Variants in DNAH9 observed in about 807,000 individuals in gnomAD.
DNAH9 encodes the protein DNAH9 variant protein.
A neutral mutation model predicts 471.6 loss-of-function variants in DNAH9; 345 were observed. The ratio of observed to expected loss-of-function variants is 0.73; its 90% confidence interval spans 0.67 to 0.80. The LOEUF (loss-of-function observed/expected upper bound fraction) is 0.80, where lower values mean the gene tolerates loss of function less well. DNAH9 is among the 30% of genes least tolerant of loss of function. The pLI is 0.00. For missense variants in DNAH9, 5,407 were observed against 5,609.2 expected, an observed-to-expected ratio of 0.96 and a Z score of 1.15; for synonymous variants, 2,093 against 2,123.6, an observed-to-expected ratio of 0.99 and a Z score of 0.40.
At position 11,784,548 on chromosome 17, in the gene DNAH9, A is replaced by G. The variant is rs769009057; in HGVS notation, c.8061+9A>G. 1 of 1,614,172 alleles carries G rather than the reference A, an allele frequency of 6.2e-7. No individual in the cohort carries two copies. The highest frequency in any genetic ancestry group is 8.5e-7 in the Non-Finnish European group (1 of 1,180,022). Reference sequence around the variant, plus strand: ...TTGCCAACATTTTCCAGGTGAGTTCATCGGCTCCGAGACACCCTAGGGGCT... The same window carrying G: ...TTGCCAACATTTTCCAGGTGAGTTCGTCGGCTCCGAGACACCCTAGGGGCT... On this transcript the variant is annotated intron_variant, in intron 41 of 68. Transcript: ENST00000262442.
chr17:11,883,732 T>C lies in DNAH9; in HGVS notation c.10953T>C (p.Ala3651=). ...VENLEITKQT[A]AEVEKKVQEA... is the part of the protein sequence containing the mutation. ...ACCTAGAGATCACCAAGCAGACTGC[T>C]GCCGAAGTTGAGAAAAAGGTAAAAC... Residue 3651 remains alanine, a synonymous_variant, in exon 56 of 69, where the codon GCT becomes GCC. Transcript: ENST00000262442. 8.1e-6 allele frequency: 13 copies of C among 1,613,908 alleles called. No homozygotes were observed. Among genetic ancestry groups the C allele is most frequent in the Non-Finnish European group, 1.1e-5 (13 of 1,179,950 alleles).
At chr17:11,912,363 G>T (rs1345265525) in intron 61 of DNAH9, among the ~76,000 whole-genome samples, 1 of 152,146 alleles carries the variant, frequency 6.6e-6, no homozygotes, top group Admixed American at 6.5e-5. Context: ...GAAATAGCAA[G>T]TTCAGACTTC....
chr17:11,843,038 C>T (rs1052906080), intron 49 of DNAH9, among the ~76,000 whole-genome samples: 37 of 152,254 alleles, frequency 2.4e-4, no homozygotes, highest in African/African-American at 7.9e-4. Flanking sequence ...TTGGCTATTT[C>T]GCTAGCAGAT....
rs116169156 is a variant in DNAH9, at chr17:11,766,183, G to T, written c.7171-2270G>T. ...CCAAAAATAGTGCTGTCAATAGGAA[G>T]GTAGGAGTTTGGTCAAAATATTCAC... On this transcript the variant is annotated intron_variant, in intron 36 of 68. Transcript: ENST00000262442. Among the ~76,000 whole-genome samples the T allele has an allele frequency of 3.4e-3, 511 of 152,136 alleles. 5 individuals are homozygous for T. Among genetic ancestry groups the T allele is most frequent in the African/African-American group, 0.012 (478 of 41,502 alleles).
intron 26 of DNAH9, among the ~76,000 whole-genome samples, chr17:11,708,714 AGT>A (rs1321311027): frequency 6.6e-6 from 1 of 152,192 alleles, no homozygotes; most frequent in Non-Finnish European, 1.5e-5. Flanking sequence ...TCCCTACTGC[AGT>A]GAGGTCTGCC....
At chr17:11,869,035 C>T (rs570742498) in intron 50 of DNAH9, 99 bp from the exon 51 acceptor site, 102 of 1,421,334 alleles carry the variant, frequency 7.2e-5, no homozygotes, top group Non-Finnish European at 9.4e-5. Flanking sequence ...CCGCAGAGTG[C>T]TTCCTTCAGA....
chr17:11,794,036 ATTTTTTTTTTTT>A (rs35741238), intron 42 of DNAH9, among the ~76,000 whole-genome samples: 1 of 80,900 alleles, frequency 1.2e-5, no homozygotes, highest in Non-Finnish European at 2.3e-5. Flanking sequence ...ATTTTGAGCA[ATTTTTTTTTTTT>A]TTTTTTTTTT....
intron 17 of DNAH9, 54 bp downstream of exon 17, chr17:11,669,848 T>A: frequency 2.1e-6 from 3 of 1,451,950 alleles, no homozygotes; most frequent in South Asian, 1.2e-5. Context: ...AGGAACACCA[T>A]GTTTTTAAAC....
At chr17:11,737,634 T>A (rs12952461) in intron 28 of DNAH9, among the ~76,000 whole-genome samples, 2 of 152,188 alleles carry the variant, frequency 1.3e-5, no homozygotes, top group African/African-American at 4.8e-5. Context: ...CAATAAATGG[T>A]TGAATTTCAC....
chr17:11,845,266 T>C (rs1334401664), intron 49 of DNAH9, among the ~76,000 whole-genome samples: 1 of 64,516 alleles, frequency 1.6e-5, no homozygotes, highest in African/African-American at 4.3e-5. Flanking sequence ...TTTGGTTTTT[T>C]GTTCTTGCGA....
intron 19 of DNAH9, among the ~76,000 whole-genome samples, chr17:11,687,512 C>T (rs1022365988): frequency 6.6e-6 from 1 of 152,112 alleles, no homozygotes; most frequent in African/African-American, 2.4e-5. Flanking sequence ...CTTTTTCACT[C>T]CTTTTGTATT....
chr17:11,724,426 G>T (rs2075117283), intron 27 of DNAH9, among the ~76,000 whole-genome samples: 1 of 152,136 alleles, frequency 6.6e-6, no homozygotes, highest in African/African-American at 2.4e-5. Context: ...GACAGCATGT[G>T]ATATTTGTCT....
At chr17:11,666,342 G>C (rs1450697437) in intron 15 of DNAH9, among the ~76,000 whole-genome samples, 2 of 152,134 alleles carry the variant, frequency 1.3e-5, no homozygotes, top group Non-Finnish European at 2.9e-5. Flanking sequence ...TTGACCAATG[G>C]CTCTCTGGTT....
intron 38 of DNAH9, among the ~76,000 whole-genome samples, chr17:11,770,167 A>G (rs1363855760): frequency 5.9e-5 from 9 of 152,212 alleles, no homozygotes; most frequent in African/African-American, 2.2e-4. Flanking sequence ...GCCATAGCTT[A>G]TAATGTGAAA....
intron 62 of DNAH9, among the ~76,000 whole-genome samples, chr17:11,924,673 G>A (rs1974258751): frequency 7.1e-6 from 1 of 139,874 alleles, no homozygotes; most frequent in African/African-American, 2.7e-5. Flanking sequence ...GCCTAGGCTG[G>A]AGTGCAATGG....
chr17:11,932,723 C>T lies in DNAH9; in HGVS notation c.12297+518C>T, dbSNP rs9889870. Reference sequence around the variant, plus strand: ...ACAACTGTGAGGTGAGAGCCATGGACGCTCAGGAAGTCTAACTAGAGACTC... The same window carrying T: ...ACAACTGTGAGGTGAGAGCCATGGATGCTCAGGAAGTCTAACTAGAGACTC... On this transcript the variant is annotated intron_variant, in intron 64 of 68. Coordinates refer to ENST00000262442, the MANE Select transcript of DNAH9 (RefSeq NM_001372.4). The surrounding 1 kb of genome is among the most constrained non-coding windows in gnomAD (Gnocchi z 4.3). 2.1e-3 allele frequency among the ~76,000 whole-genome samples: 324 copies of T among 152,252 alleles called. 2 individuals carry two copies. Among genetic ancestry groups the T allele is most frequent in the African/African-American group, 7.2e-3 (301 of 41,540 alleles).
chr17:11,923,004 TAAGTG>T (rs1337576540), intron 61 of DNAH9, among the ~76,000 whole-genome samples: 1 of 152,094 alleles, frequency 6.6e-6, no homozygotes. Context: ...CTTTGGGAAT[TAAGTG>T]AAGAGGGAAG....
chr17:11,821,823 C>T, intron 45 of DNAH9, 97 bp from the exon 46 acceptor site: 1 of 1,414,506 alleles, frequency 7.1e-7, no homozygotes. Context: ...GCCTAAAAAC[C>T]ACTGACCTGT....
chr17:11,926,963 G>A (rs1026996771), intron 62 of DNAH9, among the ~76,000 whole-genome samples: 3 of 152,178 alleles, frequency 2.0e-5, no homozygotes, highest in Admixed American at 2.0e-4. Flanking sequence ...ACTGGCGTGA[G>A]ATGGTATCTC....
Sources: gnomAD v4.1 joint callset for allele counts (sites outside exome capture counted in the v4.1 genomes callset) on GRCh38, gnomAD v4.1.1 for gene constraint, Gnocchi (gnomAD v3.1) non-coding constraint, MANE v1.5 for transcripts, NCBI Gene and HGNC (gene_info 2026-07-23, HGNC 2026-07-21) for gene names.